Variants in CCBE1 observed in about 807,000 individuals in gnomAD.
CCBE1 encodes collagen and calcium binding EGF domains 1, also known as collagen and calcium-binding EGF domain-containing protein 1.
In CCBE1, 37 loss-of-function variants were observed where a neutral mutation model predicts 50.0. The ratio of observed to expected loss-of-function variants is 0.74; its 90% CI spans 0.57 to 0.97. The LOEUF (loss-of-function observed/expected upper bound fraction) is 0.97, where lower values mean the gene tolerates loss of function less well. Ranked by LOEUF, CCBE1 falls within the 50% of genes least tolerant of loss-of-function variation. The probability of loss-of-function intolerance (pLI) is 0.00; values close to 1 mark genes in which losing one functional copy is unlikely to be tolerated. For synonymous variants in CCBE1, 234 were observed against 203.7 expected (o/e 1.15, Z -1.27); for missense variants, 538 against 523.8 (o/e 1.03, Z -0.26).
chr18:59,554,098 G>A (rs1916025091), intron 2 of CCBE1, among the ~76,000 whole-genome samples: 1 of 152,160 alleles, frequency 6.6e-6, no homozygotes, highest in Admixed American at 6.5e-5. Context: ...TAATTCCCGG[G>A]CTCAAGCCGT....
chr18:59,493,898 T>G (rs1435952216), intron 2 of CCBE1, among the ~76,000 whole-genome samples: 1 of 152,104 alleles, frequency 6.6e-6, no homozygotes, highest in Non-Finnish European at 1.5e-5. Flanking sequence ...TCCCATGAGA[T>G]CTGATGATTT....
intron 2 of CCBE1, among the ~76,000 whole-genome samples, chr18:59,506,436 A>G (rs1344112560): frequency 6.6e-6 from 1 of 152,234 alleles, no homozygotes; most frequent in Non-Finnish European, 1.5e-5. Flanking sequence ...TAGAAGCCCA[A>G]GAAAACTAAG....
At chr18:59,548,019 T>C (rs1196496364) in intron 2 of CCBE1, among the ~76,000 whole-genome samples, 1 of 152,218 alleles carries the variant, frequency 6.6e-6, no homozygotes, top group Admixed American at 6.5e-5. Context: ...ACTCAGTGAA[T>C]TGAAGTGCTT....
At chr18:59,567,628 C>G (rs2052849857) in intron 2 of CCBE1, among the ~76,000 whole-genome samples, 1 of 152,150 alleles carries the variant, frequency 6.6e-6, no homozygotes, top group Non-Finnish European at 1.5e-5. Context: ...CTATCAGTGA[C>G]CCATGCTCTG....
intron 2 of CCBE1, among the ~76,000 whole-genome samples, chr18:59,496,003 A>G (rs1008751674): frequency 1.3e-5 from 2 of 152,194 alleles, no homozygotes; most frequent in African/African-American, 2.4e-5. Flanking sequence ...TGATAGTGGA[A>G]GCATTGTTTA....
intron 2 of CCBE1, among the ~76,000 whole-genome samples, chr18:59,678,763 C>T (rs1270254868): frequency 2.0e-5 from 3 of 152,152 alleles, no homozygotes; most frequent in Non-Finnish European, 2.9e-5. Flanking sequence ...AAATTCCCGA[C>T]CTCAAGTGAT....
chr18:59,663,270 G>A (rs925794450), intron 2 of CCBE1, among the ~76,000 whole-genome samples: 11 of 152,132 alleles, frequency 7.2e-5, no homozygotes, highest in Admixed American at 2.0e-4. Flanking sequence ...GAGTGGTTGT[G>A]AAAAATGCAC....
intron 2 of CCBE1, among the ~76,000 whole-genome samples, chr18:59,505,319 G>A (rs962863477): frequency 5.3e-5 from 8 of 152,116 alleles, no homozygotes; most frequent in African/African-American, 1.9e-4. Flanking sequence ...GCAGGACCAG[G>A]GACGCCATCC....
chr18:59,501,856 G>T (rs1913638081), intron 2 of CCBE1, among the ~76,000 whole-genome samples: 1 of 152,170 alleles, frequency 6.6e-6, no homozygotes, highest in South Asian at 2.1e-4. Context: ...GCCCAGGCTG[G>T]AGTGCAGTGG....
At chr18:59,498,074 G>A (rs139617539) in intron 2 of CCBE1, among the ~76,000 whole-genome samples, 2 of 152,206 alleles carry the variant, frequency 1.3e-5, no homozygotes, top group Admixed American at 6.5e-5. Context: ...CATGAGGGAG[G>A]CACCACGCCT....
chr18:59,663,528 A>T (rs921417159), intron 2 of CCBE1, among the ~76,000 whole-genome samples: 2 of 152,088 alleles, frequency 1.3e-5, no homozygotes, highest in Admixed American at 1.3e-4. Flanking sequence ...CCTTGAGAGC[A>T]AGGAGGATGG....
chr18:59,540,103 G>A (rs1915411770), intron 2 of CCBE1, among the ~76,000 whole-genome samples: 3 of 152,084 alleles, frequency 2.0e-5, no homozygotes, highest in Admixed American at 2.0e-4. Flanking sequence ...ATAAGAAATA[G>A]GAAGCATTTA....
At chr18:59,557,044 G>A (rs1363915109) in intron 2 of CCBE1, among the ~76,000 whole-genome samples, 1 of 152,160 alleles carries the variant, frequency 6.6e-6, no homozygotes, top group Non-Finnish European at 1.5e-5. Context: ...GGTCAGTGTA[G>A]GGCACCAGGT....
Position 59,454,920 on chromosome 18 carries a change from G to T in CCBE1, c.585C>A (p.Ala195=). 6.2e-7 allele frequency: 1 copy of T among 1,614,158 alleles called. No individual in the cohort carries two copies. The highest frequency in any genetic ancestry group is 2.2e-5 in the East Asian group (1 of 44,890). The stretch of plus-strand genomic sequence containing the variant: ...CCTTGCATGTGGCACAGCAAGTTCC[G>T]GCTTTCACCATGTTCTCAGACTTCT... ...GHEKSENMVK[A]GTCCATCKEF... Residue 195 remains alanine (A), a synonymous_variant, in exon 6 of 11, where the codon GCC becomes GCA. Transcript: ENST00000439986.
chr18:59,697,386 A>C lies in CCBE1; in HGVS notation c.-44T>G. The C allele has an allele frequency of 5.2e-6, 8 of 1,534,732 alleles. No individual in the cohort carries two copies. Among genetic ancestry groups the C allele is most frequent in the Non-Finnish European group, 7.0e-6 (8 of 1,142,316 alleles). On this transcript the variant is annotated 5_prime_UTR_variant, in exon 1 of 11. Coordinates refer to ENST00000439986, the MANE Select transcript of CCBE1 (RefSeq NM_133459.4). ...CTTCCCAGCGCCGAGCTCCGTCCGGACCAAGCGTCCTGCTCCTCCGCGGCC... is the reference window on the plus strand; with the variant it reads ...CTTCCCAGCGCCGAGCTCCGTCCGGCCCAAGCGTCCTGCTCCTCCGCGGCC...
chr18:59,585,562 C>CA (rs770592676), intron 2 of CCBE1, among the ~76,000 whole-genome samples: 1 of 152,150 alleles, frequency 6.6e-6, no homozygotes, highest in South Asian at 2.1e-4. Context: ...TCAGGTACCT[C>CA]AAATTCTAGC....
chr18:59,439,872 T>A lies in CCBE1; in HGVS notation c.776-56A>T, dbSNP rs1464579994. The A allele has an allele frequency of 2.5e-6, 4 of 1,601,452 alleles. No individual in the cohort carries two copies. In the African/African-American group the frequency reaches 5.4e-5, roughly 21 times the overall value. On this transcript the variant is annotated intron_variant, in intron 7 of 10. Coordinates refer to ENST00000439986, the MANE Select transcript of CCBE1 (RefSeq NM_133459.4). ...AGCACATGAGAAGGACAAAGGGCCC[T>A]GGCTAACAAGAGTCCAGGACCCCTG... is the stretch of plus-strand genomic sequence containing the variant.
At chr18:59,492,144 CAAAAAAAAAAAA>C (rs869190811) in intron 2 of CCBE1, among the ~76,000 whole-genome samples, 2 of 78,424 alleles carry the variant, frequency 2.6e-5, no homozygotes, top group Non-Finnish European at 4.8e-5. Context: ...GACTTTGTCT[CAAAAAAAAAAAA>C]AAAAAAAAAA....
intron 2 of CCBE1, among the ~76,000 whole-genome samples, chr18:59,673,212 A>G (rs2054457827): frequency 6.6e-6 from 1 of 152,156 alleles, no homozygotes. Context: ...GCTCTGTGGG[A>G]GGTCAAGGAG....
Sources: allele counts gnomAD v4.1 joint callset (sites outside exome capture counted in the v4.1 genomes callset), GRCh38; gene constraint gnomAD v4.1.1; transcripts MANE v1.5; gene names NCBI Gene and HGNC (gene_info 2026-07-23, HGNC 2026-07-21).